The following PLPP1 variants were observed in gnomAD, a reference collection of about 807,000 sequenced individuals.
PLPP1 encodes the protein phospholipid phosphatase 1, also known as lipid phosphate phosphohydrolase 1a.
In PLPP1, 24 loss-of-function variants were observed where a neutral mutation model predicts 31.2. The ratio of observed to expected loss-of-function variants is 0.77; its 90% CI spans 0.56 to 1.08. The LOEUF is 1.08. Among genes scored for constraint, PLPP1 ranks in the 50% least tolerant of loss-of-function variants. The probability of loss-of-function intolerance (pLI) is 0.00; values close to 1 mark genes in which losing one functional copy is unlikely to be tolerated. For synonymous variants in PLPP1, 146 were observed against 126.3 expected, an observed-to-expected ratio of 1.16 and a Z score of -1.05; for missense variants, 319 against 342.7, an observed-to-expected ratio of 0.93 and a Z score of 0.55.
intron 2 of PLPP1, among the ~76,000 whole-genome samples, chr5:55,472,661 AG>A: frequency 1.8e-5 from 1 of 55,992 alleles, no homozygotes; most frequent in Non-Finnish European, 4.4e-5. Flanking sequence ...AAAGAAAGAG[AG>A]AGAGAGACAG....
chr5:55,426,126 T>TATC, intron 4 of PLPP1, 87 bp from the exon 5 acceptor site: 1 of 1,170,148 alleles, frequency 8.5e-7, no homozygotes, highest in Non-Finnish European at 1.2e-6. Flanking sequence ...TTGAAATGAT[T>TATC]ATCAAAGTAT....
chr5:55,458,914 A>AAAAAAAAAAAAAC lies in PLPP1; in HGVS notation c.491+8954_491+8955insGTTTTTTTTTTTT, dbSNP rs1387046910. Among the ~76,000 whole-genome samples the AAAAAAAAAAAAAC allele has an allele frequency of 2.0e-4, 30 of 148,970 alleles. 1 individual carries two copies. The highest frequency in any genetic ancestry group is 3.3e-4 in the Non-Finnish European group (22 of 67,054). The stretch of plus-strand genomic sequence containing the variant: ...AAAAAAAAAAAAAAAAAAAAAAAAA[A>AAAAAAAAAAAAAC]AACACATAGCAAAATGGCAGAAAAA... On this transcript the variant is annotated intron_variant, in intron 3 of 5. Transcript: ENST00000307259.
At chr5:55,468,448 A>G (rs1001707520) in intron 2 of PLPP1, among the ~76,000 whole-genome samples, 1 of 152,144 alleles carries the variant, frequency 6.6e-6, no homozygotes. Flanking sequence ...TCAAATAAAC[A>G]GAGCTTTAAA....
intron 4 of PLPP1, among the ~76,000 whole-genome samples, chr5:55,438,955 G>C (rs891401019): frequency 1.3e-5 from 2 of 151,922 alleles, no homozygotes; most frequent in African/African-American, 4.8e-5. Context: ...TGTGTATTCA[G>C]GGCTGAAATA....
chr5:55,482,451 T>A (rs1241663708), intron 1 of PLPP1, among the ~76,000 whole-genome samples: 2 of 152,178 alleles, frequency 1.3e-5, no homozygotes, highest in Non-Finnish European at 2.9e-5. Flanking sequence ...CCTCAAGTTA[T>A]TAAACACCTA....
In PLPP1 at chr5:55,425,985, G is replaced by T; in HGVS notation, c.604C>A (p.Leu202Met). The change falls in exon 5 of 6, where the codon CTG (leucine) becomes ATG (methionine). Residue 202 changes from leucine (L) to methionine (M), a missense_variant. Transcript: ENST00000307259. The part of the protein sequence containing the change: ...GDWARLLRPT[L>M]QFGLVAVSIY... ...GATACGGCAACAAGACCAAATTGCA[G>T]TGTGGGGCGTAAGAGTCTTGCCCAG... 6.2e-7 allele frequency: 1 copy of T among 1,613,846 alleles called. No individual in the cohort carries two copies. Among genetic ancestry groups the T allele is most frequent in the Admixed American group, 1.7e-5 (1 of 59,946 alleles).
intron 1 of PLPP1, among the ~76,000 whole-genome samples, chr5:55,494,245 A>G (rs1752957790): frequency 6.6e-6 from 1 of 152,154 alleles, no homozygotes; most frequent in South Asian, 2.1e-4. Context: ...GAAATTATCT[A>G]CTAATTAGGT....
At chr5:55,488,677 C>A (rs1466020353) in intron 1 of PLPP1, among the ~76,000 whole-genome samples, 1 of 151,840 alleles carries the variant, frequency 6.6e-6, no homozygotes, top group African/African-American at 2.4e-5. Flanking sequence ...AAACAAACAA[C>A]AACAACAACA....
At chr5:55,514,467 C>G (rs1010630671) in intron 1 of PLPP1, among the ~76,000 whole-genome samples, 1 of 152,096 alleles carries the variant, frequency 6.6e-6, no homozygotes, top group Non-Finnish European at 1.5e-5. Context: ...CATATCCCCC[C>G]ACCATAAAAA....
chr5:55,439,729 T>C (rs1751580564), intron 4 of PLPP1, among the ~76,000 whole-genome samples: 2 of 152,208 alleles, frequency 1.3e-5, no homozygotes, highest in African/African-American at 4.8e-5. Context: ...TACAAGTTAC[T>C]ATTTGACCAA....
chr5:55,528,375 T>C (rs1740544411), intron 1 of PLPP1, among the ~76,000 whole-genome samples: 1 of 152,246 alleles, frequency 6.6e-6, no homozygotes, highest in South Asian at 2.1e-4. Flanking sequence ...ACCTCCATTA[T>C]CGTACTTATC....
At chr5:55,524,931 C>G (rs1182704455) in intron 1 of PLPP1, among the ~76,000 whole-genome samples, 11 of 152,110 alleles carry the variant, frequency 7.2e-5, no homozygotes, top group Admixed American at 7.2e-4. Context: ...CTGGAGTAAG[C>G]TGAAATTCAG....
intron 3 of PLPP1, among the ~76,000 whole-genome samples, chr5:55,448,357 G>A (rs569792487): frequency 6.6e-6 from 1 of 151,300 alleles, no homozygotes; most frequent in South Asian, 2.1e-4. Flanking sequence ...ATGTGACCCA[G>A]TAATTCCACT....
intron 4 of PLPP1, among the ~76,000 whole-genome samples, chr5:55,441,547 TGAG>T (rs1173124262): frequency 6.6e-6 from 1 of 152,118 alleles, no homozygotes; most frequent in East Asian, 1.9e-4. Flanking sequence ...ACTGAGCAGA[TGAG>T]GAGAGTGGCT....
chr5:55,513,355 G>T (rs921538776), intron 1 of PLPP1, among the ~76,000 whole-genome samples: 1 of 146,664 alleles, frequency 6.8e-6, no homozygotes, highest in Admixed American at 7.1e-5. Context: ...CTGCCTCCAG[G>T]GTTCAAGCGA....
chr5:55,528,126 A>T (rs1262065728), intron 1 of PLPP1, among the ~76,000 whole-genome samples: 1 of 152,208 alleles, frequency 6.6e-6, no homozygotes, highest in Non-Finnish European at 1.5e-5. Flanking sequence ...AGTTCCAGCT[A>T]AATCTTCTAG....
In PLPP1 at chr5:55,425,335, C is replaced by T; in HGVS notation, c.727-1G>A. ...TGAAGAAATCCGATACATATACAGC[C>T]TACAGTGCAAAATATTTAATGGTAT... On this transcript the variant is annotated splice_acceptor_variant, in intron 5 of 5. Transcript: ENST00000307259. LOFTEE classifies it high-confidence loss of function. 2 of 1,593,576 alleles carry T rather than the reference C, an allele frequency of 1.3e-6. No homozygotes were observed. Among genetic ancestry groups the T allele is most frequent in the Non-Finnish European group, 1.7e-6 (2 of 1,165,796 alleles).
At chr5:55,446,218 A>C (rs1331026517) in intron 3 of PLPP1, among the ~76,000 whole-genome samples, 1 of 152,156 alleles carries the variant, frequency 6.6e-6, no homozygotes, top group East Asian at 1.9e-4. Context: ...ATGCTGATTC[A>C]ACACGTAAGA....
At chr5:55,530,920 C>T (rs1397181678) in intron 1 of PLPP1, among the ~76,000 whole-genome samples, 2 of 151,920 alleles carry the variant, frequency 1.3e-5, no homozygotes, top group Non-Finnish European at 2.9e-5. Flanking sequence ...GCAGCGGCCC[C>T]GATGGTGACA....
Sources: allele counts gnomAD v4.1 joint callset (sites outside exome capture counted in the v4.1 genomes callset), GRCh38; gene constraint gnomAD v4.1.1; transcripts MANE v1.5; gene names NCBI Gene and HGNC (gene_info 2026-07-23, HGNC 2026-07-21).